The following ERC1 variants were observed in gnomAD, a reference collection of about 807,000 sequenced individuals.
ERC1 encodes the protein ELKS/RAB6-interacting/CAST family member 1.
ERC1 carries 56 observed loss-of-function variants against 132.0 expected under a neutral mutation model. The observed-to-expected ratio is 0.42, with a 90% confidence interval of 0.34 to 0.53. The LOEUF (loss-of-function observed/expected upper bound fraction) is 0.53, where lower values mean the gene tolerates loss of function less well. ERC1 is among the 20% of genes least tolerant of loss of function. The pLI, the probability that ERC1 is intolerant of heterozygous loss-of-function variation, is 0.03. For synonymous variants in ERC1, 478 were observed against 476.1 expected (o/e 1.00, Z -0.05); for missense variants, 1,202 against 1,349.9 (o/e 0.89, Z 1.72).
chr12:1,235,643 T>C (rs752208154), intron 12 of ERC1, among the ~76,000 whole-genome samples: 4 of 152,198 alleles, frequency 2.6e-5, no homozygotes, highest in Non-Finnish European at 4.4e-5. Flanking sequence ...GGTACTATTT[T>C]TTTTCTACCC....
intron 17 of ERC1, among the ~76,000 whole-genome samples, chr12:1,419,575 G>C (rs1279981506): frequency 6.6e-6 from 1 of 150,392 alleles, no homozygotes; most frequent in East Asian, 1.9e-4. Flanking sequence ...TTCCCTTAAT[G>C]TTTCATATCA....
At chr12:1,090,866 GTTATTA>G (rs746269720) in intron 3 of ERC1, among the ~76,000 whole-genome samples, 2,210 of 26,554 alleles carry the variant, frequency 0.083, 803 homozygotes, top group African/African-American at 0.13. Context: ...TGTTGTTGTT[GTTATTA>G]TTATTATTAT....
intron 16 of ERC1, chr12:1,380,969 T>C (rs1442456748): frequency 2.0e-5 from 3 of 152,238 alleles, no homozygotes; most frequent in Non-Finnish European, 4.4e-5. Flanking sequence ...TTCATCTCAC[T>C]TAGTTTAAAT....
chr12:1,353,066 T>C (rs1370926354), intron 15 of ERC1, among the ~76,000 whole-genome samples: 1 of 151,050 alleles, frequency 6.6e-6, no homozygotes, highest in Non-Finnish European at 1.5e-5. Flanking sequence ...AGTCTCGCTT[T>C]ATCACTCAGG....
At chr12:1,331,312 A>G (rs1298359925) in intron 15 of ERC1, among the ~76,000 whole-genome samples, 1 of 152,192 alleles carries the variant, frequency 6.6e-6, no homozygotes, top group Non-Finnish European at 1.5e-5. Flanking sequence ...AGTTTTACTC[A>G]TGTTTTTACA....
chr12:1,395,159 C>T (rs2090423855), intron 16 of ERC1, among the ~76,000 whole-genome samples: 1 of 152,178 alleles, frequency 6.6e-6, no homozygotes, highest in Non-Finnish European at 1.5e-5. Flanking sequence ...GGGCAGTGAC[C>T]AGGAGCAAAG....
intron 11 of ERC1, among the ~76,000 whole-genome samples, chr12:1,186,101 A>G (rs1955062757): frequency 6.6e-6 from 1 of 152,224 alleles, no homozygotes; most frequent in African/African-American, 2.4e-5. Flanking sequence ...GCATTTAACA[A>G]AATTTACATA....
chr12:1,021,922 A>C (rs753613561), intron 1 of ERC1, among the ~76,000 whole-genome samples: 3 of 152,234 alleles, frequency 2.0e-5, no homozygotes, highest in Non-Finnish European at 4.4e-5. Flanking sequence ...AGTATCCATG[A>C]AATGGTCATA....
chr12:994,607 A>G (rs1960401960), intron 1 of ERC1, among the ~76,000 whole-genome samples: 1 of 152,226 alleles, frequency 6.6e-6, no homozygotes, highest in Non-Finnish European at 1.5e-5. Context: ...TTGGGCACAT[A>G]ATTAGCTGGT....
At chr12:1,188,177 C>G (rs1955322803) in intron 11 of ERC1, among the ~76,000 whole-genome samples, 1 of 152,158 alleles carries the variant, frequency 6.6e-6, no homozygotes, top group Admixed American at 6.5e-5. Context: ...AAGCTGCCTC[C>G]TATTGCCTAT....
intron 17 of ERC1, among the ~76,000 whole-genome samples, chr12:1,409,257 G>A (rs1038237794): frequency 6.6e-6 from 1 of 152,200 alleles, no homozygotes; most frequent in Non-Finnish European, 1.5e-5. Context: ...TGGGCAAAAT[G>A]GAGAGCTATC....
At chr12:1,290,720 TG>T (rs1938923045) in intron 15 of ERC1, among the ~76,000 whole-genome samples, 1 of 151,882 alleles carries the variant, frequency 6.6e-6, no homozygotes, top group Admixed American at 6.6e-5. Context: ...AAGACCCTAC[TG>T]CTATTTTACT....
chr12:1,103,157 A>G (rs1944868159), intron 3 of ERC1, among the ~76,000 whole-genome samples: 1 of 152,194 alleles, frequency 6.6e-6, no homozygotes, highest in Non-Finnish European at 1.5e-5. Context: ...TAAACCTAAT[A>G]CTAACACAAA....
intron 1 of ERC1, among the ~76,000 whole-genome samples, chr12:1,011,863 C>T (rs1410370222): frequency 6.6e-6 from 1 of 151,862 alleles, no homozygotes; most frequent in Non-Finnish European, 1.5e-5. Context: ...ATGAGAATTG[C>T]TTGAACCCAA....
chr12:1,016,707 C>CAT (rs1965581318), intron 1 of ERC1, among the ~76,000 whole-genome samples: 17 of 132,900 alleles, frequency 1.3e-4, no homozygotes, highest in Admixed American at 1.6e-4. Context: ...TGCAGTGGTG[C>CAT]GATCTCGATC....
At chr12:1,403,606 G>C (rs769549683) in intron 16 of ERC1, among the ~76,000 whole-genome samples, 5 of 151,586 alleles carry the variant, frequency 3.3e-5, no homozygotes, top group African/African-American at 4.8e-5. Flanking sequence ...TCTTACAACT[G>C]TTTTTTTCAT....
At position 1,007,917 on chromosome 12, in the gene ERC1, C is replaced by T. The variant is rs147736409; in HGVS notation, c.-157+16595C>T. Reference sequence around the variant, plus strand: ...AACAGCAGTATGGGACTGGTGGCCTCTGTATTGGACAGTGCAGATATAGAA... The same window carrying T: ...AACAGCAGTATGGGACTGGTGGCCTTTGTATTGGACAGTGCAGATATAGAA... On this transcript the variant is annotated intron_variant, in intron 1 of 18. Coordinates refer to ENST00000360905, the MANE Select transcript of ERC1 (RefSeq NM_178040.4). Among the ~76,000 whole-genome samples the T allele has an allele frequency of 4.9e-3, 745 of 152,170 alleles. 10 individuals are homozygous for T. The highest frequency in any genetic ancestry group is 0.017 in the African/African-American group (720 of 41,498).
chr12:1,438,954 A>AAAAAAAATTAT (rs1015181197), intron 17 of ERC1, among the ~76,000 whole-genome samples: 2 of 143,580 alleles, frequency 1.4e-5, no homozygotes, highest in African/African-American at 5.2e-5. Flanking sequence ...TTTAAAAAAA[A>AAAAAAAATTAT]ATATATATAT....
At chr12:1,068,772 T>G (rs1002900722) in intron 2 of ERC1, among the ~76,000 whole-genome samples, 1 of 151,868 alleles carries the variant, frequency 6.6e-6, no homozygotes, top group African/African-American at 2.4e-5. Flanking sequence ...ATTAGCAGAC[T>G]AATTTTTTTT....
Sources: allele counts gnomAD v4.1 joint callset (sites outside exome capture counted in the v4.1 genomes callset), GRCh38; gene constraint gnomAD v4.1.1; transcripts MANE v1.5; gene names NCBI Gene and HGNC (gene_info 2026-07-23, HGNC 2026-07-21).